The following ZNF555 variants were observed in gnomAD, a reference collection of about 807,000 sequenced individuals.
ZNF555 encodes the protein zinc finger protein 555.
Under a neutral mutation model 14.0 loss-of-function variants are expected in ZNF555, and 10 were observed. The ratio of observed to expected loss-of-function variants is 0.72; its 90% CI spans 0.44 to 1.21. The LOEUF (loss-of-function observed/expected upper bound fraction) is 1.21, where lower values mean the gene tolerates loss of function less well. Among genes scored for constraint, ZNF555 ranks in the 50% most tolerant of loss-of-function variants. The pLI is 0.00. For missense variants in ZNF555, 747 were observed against 762.0 expected (o/e 0.98, Z 0.23); for synonymous variants, 277 against 262.4 (o/e 1.06, Z -0.54).
At position 2,856,166 on chromosome 19, in the gene ZNF555, T is replaced by C. The variant is rs1000387075; in HGVS notation, c.*2214T>C. The C allele has an allele frequency of 6.6e-6, 1 of 152,044 alleles. No homozygotes were observed. The highest frequency in any genetic ancestry group is 1.5e-5 in the Non-Finnish European group (1 of 68,032). 9.4% of individuals were successfully genotyped at this position (152,044 alleles called of 1,614,324 possible). ...AAATACAGGTATTTTTTCATATAAA[T>C]GTTATTTTTAATTGCTGTATACTTA... On this transcript the variant is annotated 3_prime_UTR_variant, in exon 4 of 4. Coordinates refer to ENST00000334241, the MANE Select transcript of ZNF555 (RefSeq NM_152791.5).
chr19:2,847,647 A>T, intron 1 of ZNF555, among the ~76,000 whole-genome samples: 1 of 152,318 alleles, frequency 6.6e-6, no homozygotes, highest in Non-Finnish European at 1.5e-5. Flanking sequence ...TAATCTGAAA[A>T]AAATTTAAAA....
chr19:2,852,760 A>C lies in ZNF555; in HGVS notation c.695A>C (p.Gln232Pro). ...GCTGAGAAAACCTACGAATGTAAGCAATGTGGGAAAGCCTTTATTGACTTC... is the reference window on the plus strand; with the variant it reads ...GCTGAGAAAACCTACGAATGTAAGCCATGTGGGAAAGCCTTTATTGACTTC... ...HTAEKTYECK[Q>P]CGKAFIDFSS... The change falls in exon 4 of 4, where the codon CAA becomes CCA. Residue 232 changes from glutamine to proline, a missense_variant. Coordinates refer to ENST00000334241, the MANE Select transcript of ZNF555 (RefSeq NM_152791.5). 1.9e-6 allele frequency: 3 copies of C among 1,614,186 alleles called. No individual in the cohort carries two copies. Among genetic ancestry groups the C allele is most frequent in the Non-Finnish European group, 2.5e-6 (3 of 1,180,000 alleles).
chr19:2,841,684 G>C, intron 1 of ZNF555, 109 bp downstream of exon 1: 1 of 1,328,960 alleles, frequency 7.5e-7, no homozygotes, highest in South Asian at 1.7e-5. Flanking sequence ...CCCCGGCGAG[G>C]GCGGCGCAGG....
Position 2,853,721 on chromosome 19 carries a change from A to G in ZNF555, c.1656A>G (p.Pro552=), listed in dbSNP as rs1377204566. ...TCTTCAAATGGCCATCATCTTTACC[A>G]ATACATATGAGACTGCACACTGGAG... ...GKVFKWPSSL[P]IHMRLHTGEK... Residue 552 remains proline (P), a synonymous_variant, in exon 4 of 4, where the codon CCA becomes CCG. Coordinates refer to ENST00000334241, the MANE Select transcript of ZNF555 (RefSeq NM_152791.5). 2 of 1,583,318 alleles carry G rather than the reference A, an allele frequency of 1.3e-6. No homozygotes were observed. Among genetic ancestry groups the G allele is most frequent in the African/African-American group, 2.7e-5 (2 of 74,040 alleles).
Position 2,853,036 on chromosome 19 carries a change from C to A in ZNF555, c.971C>A (p.Ser324Tyr), listed in dbSNP as rs1486404650. 6.2e-7 allele frequency: 1 copy of A among 1,614,048 alleles called. No homozygotes were observed. The highest frequency in any genetic ancestry group is 2.2e-5 in the East Asian group (1 of 44,898). ...CKECGEAFSY[S>Y]SAFRRHMITH... is the part of the protein sequence containing the mutation. The stretch of plus-strand genomic sequence containing the variant: ...GAATGTGGGGAGGCCTTCAGTTATT[C>A]TTCGGCTTTTCGAAGACACATGATA... The change falls in exon 4 of 4, where the codon TCT (serine) becomes TAT (tyrosine). Residue 324 changes from serine (S) to tyrosine (Y), a missense_variant. Transcript: ENST00000334241.
chr19:2,849,770 G>A (rs2144851091), intron 1 of ZNF555, among the ~76,000 whole-genome samples: 1 of 152,074 alleles, frequency 6.6e-6, no homozygotes, highest in African/African-American at 2.4e-5. Flanking sequence ...TTACAGGCAT[G>A]AGCCACCACA....
rs2087536115 is a variant in ZNF555 at position 2,841,587 on chromosome 19, G to T, written c.3+12G>T. 1 of 1,528,984 alleles carries T rather than the reference G, an allele frequency of 6.5e-7. No individual in the cohort carries two copies. The allele number at this position is 1,528,984 out of a possible 1,614,324, so 94.7% of individuals were successfully genotyped here. ...CGCCCCGGGACATGGTGAGTGTGGCGCAGGAGAGGATCCCGGTGCGGGGCA... is the reference window on the plus strand; with the variant it reads ...CGCCCCGGGACATGGTGAGTGTGGCTCAGGAGAGGATCCCGGTGCGGGGCA... On this transcript the variant is annotated intron_variant, in intron 1 of 3. Coordinates refer to ENST00000334241, the MANE Select transcript of ZNF555 (RefSeq NM_152791.5).
At chr19:2,844,214 T>C (rs1374082685) in intron 1 of ZNF555, among the ~76,000 whole-genome samples, 3 of 151,768 alleles carry the variant, frequency 2.0e-5, no homozygotes, top group Non-Finnish European at 4.4e-5. Flanking sequence ...GCAATTCTCC[T>C]GCCTCAGCCT....
intron 1 of ZNF555, among the ~76,000 whole-genome samples, chr19:2,845,899 C>T (rs2087578504): frequency 6.6e-6 from 1 of 152,174 alleles, no homozygotes; most frequent in South Asian, 2.1e-4. Context: ...AGGGACAAGG[C>T]AGTGCCCTGA....
In ZNF555 at chr19:2,851,422, G is replaced by T. The variant is rs374188591; in HGVS notation, c.131-46G>T. 5 of 1,492,956 alleles carry T rather than the reference G, an allele frequency of 3.3e-6. No individual in the cohort carries two copies. In the East Asian group the frequency reaches 7.0e-5, roughly 21 times the overall value. 92.5% of individuals were successfully genotyped at this position (1,492,956 alleles called of 1,614,324 possible). A position where few individuals can be genotyped will look rare whatever the true frequency, so the allele number is the denominator to read the frequency against. ...GCTAAACTCCTCAGTGTCGTTTTCC[G>T]CTAACAAGTGCCTTCTTATATGATT... On this transcript the variant is annotated intron_variant, in intron 2 of 3. Coordinates refer to ENST00000334241, the MANE Select transcript of ZNF555 (RefSeq NM_152791.5).
chr19:2,856,093 G>A lies in ZNF555; in HGVS notation c.*2141G>A, dbSNP rs1051415971. 6 of 151,802 alleles carry A rather than the reference G, an allele frequency of 4.0e-5. No individual in the cohort carries two copies. Among genetic ancestry groups the A allele is most frequent in the Non-Finnish European group, 7.4e-5 (5 of 67,944 alleles). The allele number at this position is 151,802 out of a possible 1,614,324, so 9.4% of individuals were successfully genotyped here. A position where few individuals can be genotyped will look rare whatever the true frequency, so the allele number is the denominator to read the frequency against. On this transcript the variant is annotated 3_prime_UTR_variant, in exon 4 of 4. Transcript: ENST00000334241. ...GATTTCAAATCAACTTTGTAATTTT[G>A]ATAATTTAAGCATGTTACATTTTGA... is the stretch of plus-strand genomic sequence containing the variant.
In ZNF555 at chr19:2,852,414, A is replaced by G. The variant is rs141504383; in HGVS notation, c.349A>G (p.Asn117Asp). 1,449 of 1,614,214 alleles carry G rather than the reference A, an allele frequency of 9.0e-4. 4 individuals are homozygous for G. The highest frequency in any genetic ancestry group is 1.5e-3 in the South Asian group (138 of 91,084). ...TGGGTTGGAGAGACTCTGTGAAAGTAATGATCAATGTGGAGAAGCCCTCAG... is the reference window on the plus strand; with the variant it reads ...TGGGTTGGAGAGACTCTGTGAAAGTGATGATCAATGTGGAGAAGCCCTCAG... The part of the protein sequence containing the change: ...NHGLERLCES[N>D]DQCGEALSQI... Residue 117 changes from asparagine (N) to aspartate (D), a missense_variant, in exon 4 of 4, where the codon AAT (asparagine) becomes GAT (aspartate). Coordinates refer to ENST00000334241, the MANE Select transcript of ZNF555 (RefSeq NM_152791.5).
In ZNF555 at chr19:2,858,833, G is replaced by A. The variant is rs1415246847; in HGVS notation, c.*4881G>A. 1 of 152,292 alleles carries A rather than the reference G, an allele frequency of 6.6e-6. No homozygotes were observed. Among genetic ancestry groups the A allele is most frequent in the South Asian group, 2.1e-4 (1 of 4,828 alleles). The allele number at this position is 152,292 out of a possible 1,614,324, so 9.4% of individuals were successfully genotyped here. A position where few individuals can be genotyped will look rare whatever the true frequency, so the allele number is the denominator to read the frequency against. ...AGCTGGGACCCACCTACAGTGATGG[G>A]GTGATGGGGTTTCACCTATAAGCGG... On this transcript the variant is annotated 3_prime_UTR_variant, in exon 4 of 4. Coordinates refer to ENST00000334241, the MANE Select transcript of ZNF555 (RefSeq NM_152791.5).
intron 3 of ZNF555, among the ~76,000 whole-genome samples, chr19:2,852,159 AAG>A (rs929193336): frequency 6.6e-6 from 1 of 151,826 alleles, no homozygotes; most frequent in Non-Finnish European, 1.5e-5. Context: ...AAAAAAAAAA[AAG>A]AAAGAAAGAG....
In ZNF555 at chr19:2,857,811, T is replaced by C. The variant is rs2144864184; in HGVS notation, c.*3859T>C. 1 of 152,198 alleles carries C rather than the reference T, an allele frequency of 6.6e-6. No homozygotes were observed. Among genetic ancestry groups the C allele is most frequent in the East Asian group, 1.9e-4 (1 of 5,176 alleles). 9.4% of individuals were successfully genotyped at this position (152,198 alleles called of 1,614,324 possible). On this transcript the variant is annotated 3_prime_UTR_variant, in exon 4 of 4. Coordinates refer to ENST00000334241, the MANE Select transcript of ZNF555 (RefSeq NM_152791.5). ...TGAACTATGATCATGCACTGCACTC[T>C]ACACTGGGCGACAGAGCAAGACCCT...
chr19:2,850,857 A>ATG, intron 2 of ZNF555, 144 bp downstream of exon 2: 2 of 1,031,158 alleles, frequency 1.9e-6, no homozygotes, highest in Non-Finnish European at 2.8e-6. Flanking sequence ...TCATAGAGCT[A>ATG]GAATGTAATG....
chr19:2,841,504 T>G lies in ZNF555; in HGVS notation c.-69T>G. 6.5e-7 allele frequency: 1 copy of G among 1,543,880 alleles called. No homozygotes were observed. The highest frequency in any genetic ancestry group is 8.7e-7 in the Non-Finnish European group (1 of 1,143,664). On this transcript the variant is annotated 5_prime_UTR_variant, in exon 1 of 4. Transcript: ENST00000334241. ...TAGCCGTGAGTGCCCCGCCTGCCCC[T>G]AGCGGTCCCTGGCGTCCCGGTTCCT...
Position 2,841,480 on chromosome 19 carries a change from A to G in ZNF555, c.-93A>G. The G allele has an allele frequency of 6.5e-7, 1 of 1,533,730 alleles. No individual in the cohort carries two copies. Among genetic ancestry groups the G allele is most frequent in the South Asian group, 1.2e-5 (1 of 83,612 alleles). ...CCCTGGGACGGGACGCCTCTGTCCT[A>G]GCCGTGAGTGCCCCGCCTGCCCCTA... On this transcript the variant is annotated 5_prime_UTR_variant, in exon 1 of 4. Coordinates refer to ENST00000334241, the MANE Select transcript of ZNF555 (RefSeq NM_152791.5).
intron 1 of ZNF555, among the ~76,000 whole-genome samples, chr19:2,849,560 T>C (rs980096370): frequency 8.6e-5 from 13 of 150,780 alleles, no homozygotes; most frequent in African/African-American, 2.4e-4. Flanking sequence ...TCTTGATGCA[T>C]TGCAACCTCT....
Sources: allele counts gnomAD v4.1 joint callset (sites outside exome capture counted in the v4.1 genomes callset), GRCh38; gene constraint gnomAD v4.1.1; transcripts MANE v1.5; gene names NCBI Gene and HGNC (gene_info 2026-07-23, HGNC 2026-07-21).